CDK6: variants seen among roughly 807,000 people sequenced by gnomAD.
CDK6 encodes the protein cyclin-dependent kinase 6.
A neutral mutation model predicts 37.1 loss-of-function variants in CDK6; 6 were observed. The ratio of observed to expected loss-of-function variants is 0.16; its 90% CI spans 0.09 to 0.32. CDK6 has a LOEUF of 0.32. CDK6 is among the 10% of genes least tolerant of loss of function. The pLI is 1.00. For synonymous variants in CDK6, 160 were observed against 161.3 expected, an observed-to-expected ratio of 0.99 and a Z score of 0.06; for missense variants, 224 against 418.9, an observed-to-expected ratio of 0.53 and a Z score of 4.06.
chr7:92,804,682 T>C (rs1254285171), intron 2 of CDK6, among the ~76,000 whole-genome samples: 1 of 152,224 alleles, frequency 6.6e-6, no homozygotes, highest in Admixed American at 6.5e-5. Flanking sequence ...AACTAGTGTC[T>C]TTTTGAAATG....
intron 5 of CDK6, among the ~76,000 whole-genome samples, chr7:92,626,134 G>A (rs1015115446): frequency 6.6e-6 from 1 of 151,922 alleles, no homozygotes; most frequent in African/African-American, 2.4e-5. Context: ...TCAATTAACT[G>A]ATCTACTTAG....
intron 3 of CDK6, among the ~76,000 whole-genome samples, chr7:92,772,823 T>G (rs535152194): frequency 6.6e-6 from 1 of 152,200 alleles, no homozygotes; most frequent in Non-Finnish European, 1.5e-5. Flanking sequence ...ACTGCACAGA[T>G]GCCTTTGCAA....
intron 5 of CDK6, among the ~76,000 whole-genome samples, chr7:92,670,407 C>G (rs1052545433): frequency 2.0e-5 from 3 of 152,138 alleles, no homozygotes; most frequent in Admixed American, 6.5e-5. Context: ...CAAGCAATGG[C>G]TGACCACTTC....
chr7:92,736,912 T>C (rs1798802245), intron 3 of CDK6, among the ~76,000 whole-genome samples: 1 of 152,166 alleles, frequency 6.6e-6, no homozygotes, highest in Non-Finnish European at 1.5e-5. Flanking sequence ...ATGTGATATA[T>C]TAATATTTGT....
intron 2 of CDK6, among the ~76,000 whole-genome samples, chr7:92,779,519 AG>A (rs1490488805): frequency 6.6e-6 from 1 of 152,200 alleles, no homozygotes; most frequent in African/African-American, 2.4e-5. Context: ...TTAATTTTTA[AG>A]GTGCCATTAT....
In CDK6 at chr7:92,608,470, C is replaced by G. The variant is rs1173620848; in HGVS notation, c.*6670G>C. Reference sequence around the variant, plus strand: ...CAAAACAAAACTTTTCCAGGCATATCTTTCACCATCACATATATAGAATGA... The same window carrying G: ...CAAAACAAAACTTTTCCAGGCATATGTTTCACCATCACATATATAGAATGA... On this transcript the variant is annotated 3_prime_UTR_variant, in exon 8 of 8. Coordinates refer to ENST00000424848, the MANE Select transcript of CDK6 (RefSeq NM_001145306.2). 4.3e-6 allele frequency: 1 copy of G among 230,620 alleles called. No individual in the cohort carries two copies. The highest frequency in any genetic ancestry group is 8.6e-6 in the Non-Finnish European group (1 of 116,576). The allele number at this position is 230,620 out of a possible 1,614,324, so 14.3% of individuals were successfully genotyped here.
chr7:92,804,052 T>C (rs1245788627), intron 2 of CDK6, among the ~76,000 whole-genome samples: 1 of 152,208 alleles, frequency 6.6e-6, no homozygotes, highest in African/African-American at 2.4e-5. Flanking sequence ...TGACATTTTA[T>C]AAATGGAGGC....
At chr7:92,789,249 G>A (rs185220598) in intron 2 of CDK6, among the ~76,000 whole-genome samples, 82 of 152,314 alleles carry the variant, frequency 5.4e-4, no homozygotes, top group Non-Finnish European at 1.0e-3. Flanking sequence ...AACAAAAGCT[G>A]AGGGAGTTTT....
intron 5 of CDK6, among the ~76,000 whole-genome samples, chr7:92,630,684 C>T (rs1372999956): frequency 2.0e-5 from 3 of 152,134 alleles, no homozygotes; most frequent in Non-Finnish European, 4.4e-5. Flanking sequence ...GCTCAACACT[C>T]CGGGGAATAC....
chr7:92,772,007 A>G (rs895408645), intron 3 of CDK6, among the ~76,000 whole-genome samples: 4 of 152,190 alleles, frequency 2.6e-5, no homozygotes, highest in African/African-American at 7.2e-5. Flanking sequence ...GAAACAAAAG[A>G]TACGAGTGTT....
chr7:92,640,509 AT>A (rs1335280986), intron 5 of CDK6, among the ~76,000 whole-genome samples: 1 of 152,104 alleles, frequency 6.6e-6, no homozygotes, highest in East Asian at 1.9e-4. Context: ...CAAAAACTCC[AT>A]TTTCTATGAC....
intron 5 of CDK6, among the ~76,000 whole-genome samples, chr7:92,626,663 C>A (rs1161745003): frequency 1.3e-5 from 2 of 152,008 alleles, no homozygotes; most frequent in Non-Finnish European, 2.9e-5. Flanking sequence ...AGTAAGATGA[C>A]AAGGGCCTCA....
intron 2 of CDK6, among the ~76,000 whole-genome samples, chr7:92,781,006 AC>A (rs1350894764): frequency 6.6e-6 from 1 of 152,224 alleles, no homozygotes; most frequent in African/African-American, 2.4e-5. Flanking sequence ...TTGAATATGA[AC>A]AAAATATCTC....
chr7:92,784,130 G>A (rs1232810339), intron 2 of CDK6, among the ~76,000 whole-genome samples: 2 of 152,098 alleles, frequency 1.3e-5, no homozygotes, highest in Admixed American at 6.5e-5. Flanking sequence ...CATAAAATGC[G>A]ATTTGTTGTC....
Position 92,614,013 on chromosome 7 carries a change from G to A in CDK6, c.*1127C>T, listed in dbSNP as rs973761511. The stretch of plus-strand genomic sequence containing the variant: ...GGTAGCAATATATTTCAGAAGTGCC[G>A]GGAGATAGACAAGATGGATACTTTG... On this transcript the variant is annotated 3_prime_UTR_variant, in exon 8 of 8. Coordinates refer to ENST00000424848, the MANE Select transcript of CDK6 (RefSeq NM_001145306.2). The A allele has an allele frequency of 8.6e-5, 20 of 233,056 alleles. No homozygotes were observed. Among genetic ancestry groups the A allele is most frequent in the Non-Finnish European group, 1.5e-4 (18 of 118,020 alleles). The allele number at this position is 233,056 out of a possible 1,614,324, so 14.4% of individuals were successfully genotyped here. A position where few individuals can be genotyped will look rare whatever the true frequency, so the allele number is the denominator to read the frequency against.
intron 6 of CDK6, among the ~76,000 whole-genome samples, chr7:92,620,681 G>T (rs547272906): frequency 6.6e-6 from 1 of 152,168 alleles, no homozygotes; most frequent in African/African-American, 2.4e-5. Context: ...GCCGAGGCAA[G>T]TGGACCACTT....
chr7:92,732,722 G>A (rs1173355526), intron 3 of CDK6, among the ~76,000 whole-genome samples: 2 of 152,176 alleles, frequency 1.3e-5, no homozygotes, highest in Non-Finnish European at 1.5e-5. Context: ...GTCCTGTATG[G>A]GCAAATTGGC....
At chr7:92,650,399 G>A (rs192747862) in intron 5 of CDK6, among the ~76,000 whole-genome samples, 1 of 152,082 alleles carries the variant, frequency 6.6e-6, no homozygotes, top group East Asian at 1.9e-4. Context: ...AATGTTTATT[G>A]TTTATTCCAC....
intron 2 of CDK6, among the ~76,000 whole-genome samples, chr7:92,816,361 A>C (rs960320933): frequency 6.6e-6 from 1 of 152,160 alleles, no homozygotes; most frequent in Non-Finnish European, 1.5e-5. Flanking sequence ...AAAATTGGAA[A>C]TATATAAATA....
Sources: allele counts gnomAD v4.1 joint callset (sites outside exome capture counted in the v4.1 genomes callset), GRCh38; gene constraint gnomAD v4.1.1; transcripts MANE v1.5; gene names NCBI Gene and HGNC (gene_info 2026-07-23, HGNC 2026-07-21).